The following CDK13 variants were observed in gnomAD, a reference collection of about 807,000 sequenced individuals.
CDK13 encodes cyclin-dependent kinase 13.
A neutral mutation model predicts 137.6 loss-of-function variants in CDK13; 40 were observed. The observed-to-expected ratio is 0.29, with a 90% CI of 0.23 to 0.38. The LOEUF (loss-of-function observed/expected upper bound fraction) is 0.38. Among genes scored for constraint, CDK13 ranks in the 10% least tolerant of loss-of-function variants. The pLI is 1.00. For synonymous variants in CDK13, 869 were observed against 760.1 expected, an observed-to-expected ratio of 1.14 and a Z score of -2.36; for missense variants, 1,704 against 1,951.8, an observed-to-expected ratio of 0.87 and a Z score of 2.39.
chr7:39,970,230 C>A (rs762540864), intron 1 of CDK13, among the ~76,000 whole-genome samples: 6 of 151,748 alleles, frequency 4.0e-5, no homozygotes, highest in Non-Finnish European at 7.4e-5. Flanking sequence ...GTCTCAAACT[C>A]CTGACCTCAA....
intron 6 of CDK13, 70 bp from the exon 7 acceptor site, chr7:40,047,751 G>T (rs1785781919): frequency 2.0e-6 from 2 of 1,015,158 alleles, no homozygotes; most frequent in Non-Finnish European, 3.1e-6. Flanking sequence ...TCTAGGCATA[G>T]AATATAAATG....
At chr7:39,979,015 A>G (rs569267704) in intron 1 of CDK13, among the ~76,000 whole-genome samples, 1 of 152,228 alleles carries the variant, frequency 6.6e-6, no homozygotes, top group Non-Finnish European at 1.5e-5. Flanking sequence ...AAGACTAGGA[A>G]TGGGATTGTG....
intron 5 of CDK13, among the ~76,000 whole-genome samples, chr7:40,043,662 AAAAC>A (rs1243674772): frequency 6.6e-6 from 1 of 151,974 alleles, no homozygotes; most frequent in Non-Finnish European, 1.5e-5. Flanking sequence ...TACCAGAAAT[AAAAC>A]AAACAGAAAA....
intron 2 of CDK13, among the ~76,000 whole-genome samples, chr7:39,992,151 A>G (rs1353296631): frequency 7.2e-6 from 1 of 139,040 alleles, no homozygotes; most frequent in Non-Finnish European, 1.6e-5. Context: ...GTTGTTTAAG[A>G]GAACTAATGA....
At chr7:39,959,814 C>T (rs541027989) in intron 1 of CDK13, among the ~76,000 whole-genome samples, 62 of 149,890 alleles carry the variant, frequency 4.1e-4, no homozygotes, top group Admixed American at 7.3e-4. Context: ...CTTGCAAGAC[C>T]TACTTGTGTG....
intron 5 of CDK13, among the ~76,000 whole-genome samples, chr7:40,018,896 AT>A (rs1785056828): frequency 6.6e-6 from 1 of 152,190 alleles, no homozygotes; most frequent in Non-Finnish European, 1.5e-5. Flanking sequence ...TTGAAAAAAA[AT>A]TTTAAAGTAA....
chr7:39,972,216 G>A (rs79676461), intron 1 of CDK13, among the ~76,000 whole-genome samples: 2 of 152,178 alleles, frequency 1.3e-5, no homozygotes, highest in East Asian at 3.9e-4. Flanking sequence ...TGTTGTTGTC[G>A]TTACTTTTAA....
At chr7:40,052,834 G>C (rs919483267) in intron 7 of CDK13, among the ~76,000 whole-genome samples, 1 of 152,170 alleles carries the variant, frequency 6.6e-6, no homozygotes, top group Non-Finnish European at 1.5e-5. Context: ...GGTTGATGCT[G>C]ATCTGGGAGA....
rs3800805 is a variant in CDK13, at chr7:40,060,105, A to G, written c.2601-2721A>G. Among the ~76,000 whole-genome samples, 4 of 152,306 alleles carry G rather than the reference A, an allele frequency of 2.6e-5. No homozygotes were observed. The East Asian group carries it at 5.8e-4, about 22-fold the overall frequency. On this transcript the variant is annotated intron_variant, in intron 7 of 13. Coordinates refer to ENST00000181839, the MANE Select transcript of CDK13 (RefSeq NM_003718.5). ...TAGCAATTAATAAAAAGTATATTCT[A>G]GTTTGCTAAGGTGACTGCTAAATAT... is the stretch of plus-strand genomic sequence containing the variant.
chr7:40,059,433 C>T (rs1786092391), intron 7 of CDK13, among the ~76,000 whole-genome samples: 1 of 152,226 alleles, frequency 6.6e-6, no homozygotes, highest in Admixed American at 6.5e-5. Flanking sequence ...GATGTCAGCT[C>T]ACTGCAACCT....
intron 1 of CDK13, among the ~76,000 whole-genome samples, chr7:39,953,076 C>T (rs1787288846): frequency 6.6e-6 from 1 of 152,126 alleles, no homozygotes; most frequent in Non-Finnish European, 1.5e-5. Flanking sequence ...GGAATCTCAA[C>T]ATAATACGAA....
chr7:39,974,848 G>A (rs1773724882), intron 1 of CDK13, among the ~76,000 whole-genome samples: 1 of 152,262 alleles, frequency 6.6e-6, no homozygotes, highest in African/African-American at 2.4e-5. Context: ...ACAGGCGTGA[G>A]CCACAGTGCC....
At chr7:40,051,031 C>T (rs980313722) in intron 7 of CDK13, among the ~76,000 whole-genome samples, 2 of 151,922 alleles carry the variant, frequency 1.3e-5, no homozygotes, top group Non-Finnish European at 2.9e-5. Context: ...ATTGGAGTGC[C>T]GGGGTGTGGT....
At chr7:40,022,312 T>A (rs1785144708) in intron 5 of CDK13, among the ~76,000 whole-genome samples, 1 of 152,214 alleles carries the variant, frequency 6.6e-6, no homozygotes, top group Non-Finnish European at 1.5e-5. Context: ...AAACTTCTTG[T>A]AATGTGCATG....
intron 1 of CDK13, among the ~76,000 whole-genome samples, chr7:39,976,288 G>GTCTC (rs1174858221): frequency 0.026 from 785 of 29,842 alleles, 43 homozygotes; most frequent in African/African-American, 0.052. Flanking sequence ...GCGAGATTCC[G>GTCTC]TCTCTCTCTC....
intron 5 of CDK13, among the ~76,000 whole-genome samples, chr7:40,023,247 C>T (rs1785166794): frequency 1.3e-5 from 2 of 152,126 alleles, no homozygotes; most frequent in South Asian, 4.2e-4. Context: ...TGTATGCCAT[C>T]ATGCCCAGCT....
chr7:39,987,587 AT>A lies in CDK13; in HGVS notation c.1212-9del, dbSNP rs770179599. 6.4e-7 allele frequency: 1 copy of A among 1,556,866 alleles called. No homozygotes were observed. Among genetic ancestry groups the A allele is most frequent in the Non-Finnish European group, 8.6e-7 (1 of 1,156,746 alleles). On this transcript the variant is annotated splice_polypyrimidine_tract_variant and intron_variant, in intron 1 of 13. Transcript: ENST00000181839. ...CTCAATTACTGATTAAATCTTAATT[AT>A]TTCTCACCAGACGGTCTGGAAAATC... is the stretch of plus-strand genomic sequence containing the variant.
Position 40,094,332 on chromosome 7 carries a change from A to C in CDK13, c.3891A>C (p.Gly1297=). 2 of 1,613,740 alleles carry C rather than the reference A, an allele frequency of 1.2e-6. No homozygotes were observed. Among genetic ancestry groups the C allele is most frequent in the South Asian group, 2.2e-5 (2 of 91,038 alleles). ...TSSSLTDPHA[G]VKAALLQLLA... is the part of the protein sequence containing the mutation. ...CTTCATTAACTGACCCTCATGCCGG[A>C]GTGAAGGCAGCCCTGTTACAGCTGC... is the stretch of plus-strand genomic sequence containing the variant. Residue 1297 remains glycine (G), a synonymous_variant, in exon 14 of 14, where the codon GGA becomes GGC. Transcript: ENST00000181839.
chr7:40,094,547 T>C lies in CDK13; in HGVS notation c.4106T>C (p.Ile1369Thr), dbSNP rs1240407942. ...CCACCACTAGAACGACGTAGTTTCA[T>C]TGGAAATTCAGATATTCAGTCTTTG... ...SAPPLERRSF[I>T]GNSDIQSLDN... is the part of the protein sequence containing the mutation. Residue 1369 changes from isoleucine to threonine, a missense_variant, in exon 14 of 14, where the codon ATT (isoleucine) becomes ACT (threonine). Coordinates refer to ENST00000181839, the MANE Select transcript of CDK13 (RefSeq NM_003718.5). 1.2e-6 allele frequency: 2 copies of C among 1,611,614 alleles called. No individual in the cohort carries two copies. Among genetic ancestry groups the C allele is most frequent in the African/African-American group, 1.3e-5 (1 of 74,844 alleles).
Sources: allele counts gnomAD v4.1 joint callset (sites outside exome capture counted in the v4.1 genomes callset), GRCh38; gene constraint gnomAD v4.1.1; transcripts MANE v1.5; gene names NCBI Gene and HGNC (gene_info 2026-07-23, HGNC 2026-07-21).